Variants in MLXIPL observed in about 807,000 individuals in gnomAD.
MLXIPL encodes carbohydrate-responsive element-binding protein.
Under a neutral mutation model 81.5 loss-of-function variants are expected in MLXIPL, and 49 were observed. That is an observed-to-expected ratio of 0.60 (90% CI 0.48 to 0.76). MLXIPL has a LOEUF of 0.76. Ranked by LOEUF, MLXIPL falls within the 30% of genes least tolerant of loss-of-function variation. The pLI, the probability that MLXIPL is intolerant of heterozygous loss-of-function variation, is 0.00. For missense variants in MLXIPL, 1,053 were observed against 1,167.0 expected (o/e 0.90, Z 1.42); for synonymous variants, 466 against 485.5 (o/e 0.96, Z 0.53).
chr7:73,599,381 G>C, intron 8 of MLXIPL, 145 bp downstream of exon 8: 2 of 1,041,598 alleles, frequency 1.9e-6, no homozygotes, highest in Non-Finnish European at 2.9e-6. Flanking sequence ...CCTCCCAGAG[G>C]GCAGAGATGG....
In MLXIPL at chr7:73,605,924, A is replaced by G; in HGVS notation, c.806T>C (p.Leu269Pro). Residue 269 changes from leucine to proline, a missense_variant, in exon 6 of 17, where the codon CTG (leucine) becomes CCG (proline). Around this residue, in one of 3 missense-constraint regions of MLXIPL, gnomAD observed 823 missense variants for 933.0 expected, o/e 0.88. Transcript: ENST00000313375. Reference protein sequence around the residue: ...MTQSGPSPLQLPPEDAYVGNA... With the variant: ...MTQSGPSPLQPPPEDAYVGNA... ...CAGACCCTCACCATCCTCAGGCGGC[A>G]GCTGCAGGGGCGAAGGGCCGGACTG... 1 of 1,589,168 alleles carries G rather than the reference A, an allele frequency of 6.3e-7. No homozygotes were observed. The highest frequency in any genetic ancestry group is 1.3e-5 in the African/African-American group (1 of 74,718).
intron 1 of MLXIPL, among the ~76,000 whole-genome samples, chr7:73,618,955 C>T (rs563185969): frequency 6.6e-6 from 1 of 152,256 alleles, no homozygotes; most frequent in East Asian, 1.9e-4. Flanking sequence ...TATCCAAGCC[C>T]AGGAGGAAGA....
chr7:73,633,698 C>T, the MLXIPL span, among the ~76,000 whole-genome samples: 6 of 152,240 alleles, frequency 3.9e-5, no homozygotes, highest in South Asian at 1.2e-3. Context: ...CAGCAATCCT[C>T]CTGCCTCAGC....
At chr7:73,636,428 G>A in the MLXIPL span, among the ~76,000 whole-genome samples, 6,981 of 150,672 alleles carry the variant, frequency 0.046, 191 homozygotes, top group Non-Finnish European at 0.063. Context: ...AAAAAAAGAC[G>A]AAGTGAGAAT....
chr7:73,602,098 TCCTGCCTGCCTGCCTGCCTG>T (rs1207215774), intron 7 of MLXIPL, among the ~76,000 whole-genome samples: 1 of 104,126 alleles, frequency 9.6e-6, no homozygotes, highest in African/African-American at 3.7e-5. Context: ...CTGCCTGCCT[TCCTGCCTGCCTGCCTGCCTG>T]CCTGCCTGCC....
chr7:73,607,112 C>T, intron 4 of MLXIPL, 94 bp from the exon 5 acceptor site: 1 of 1,496,412 alleles, frequency 6.7e-7, no homozygotes, highest in Non-Finnish European at 9.1e-7. Flanking sequence ...CGATGAGATC[C>T]CCCATTTCCC....
chr7:73,614,994 T>C (rs1398129605), intron 2 of MLXIPL, among the ~76,000 whole-genome samples: 1 of 152,114 alleles, frequency 6.6e-6, no homozygotes, highest in Admixed American at 6.6e-5. Flanking sequence ...GTATTTTTAG[T>C]AGACACCGGG....
At chr7:73,616,317 G>C in intron 1 of MLXIPL, 140 bp from the exon 2 acceptor site, 3 of 738,626 alleles carry the variant, frequency 4.1e-6, no homozygotes, top group Non-Finnish European at 4.8e-6. Context: ...AACCCAACCT[G>C]CCTGAAATTC....
In MLXIPL at chr7:73,595,859, C is replaced by T; in HGVS notation, c.2169G>A (p.Glu723=). 6.2e-7 allele frequency: 1 copy of T among 1,608,542 alleles called. No individual in the cohort carries two copies. The highest frequency in any genetic ancestry group is 8.5e-7 in the Non-Finnish European group (1 of 1,177,734). Reference sequence around the variant, plus strand: ...CTGCCTACTTAATGGCGGCATTGAGCTCCTCAATCTCATCCCGCAGCTGCT... The same window carrying T: ...CTGCCTACTTAATGGCGGCATTGAGTTCCTCAATCTCATCCCGCAGCTGCT... ...EAQQLRDEIE[E]LNAAINLCQQ... Residue 723 remains glutamate, a synonymous_variant, in exon 14 of 17, where the codon GAG becomes GAA. Transcript: ENST00000313375.
chr7:73,610,903 A>G (rs1248061987), intron 2 of MLXIPL: 7 of 151,608 alleles, frequency 4.6e-5, no homozygotes, highest in African/African-American at 1.7e-4. Context: ...GGCTCACCAC[A>G]ACCTTTGCCT....
chr7:73,637,168 G>A, the MLXIPL span, among the ~76,000 whole-genome samples: 1 of 151,840 alleles, frequency 6.6e-6, no homozygotes, highest in Admixed American at 6.6e-5. Context: ...ACAAGTCTAT[G>A]TAGATTGAAA....
chr7:73,594,450 C>T (rs1178416456), intron 15 of MLXIPL, 47 bp from the exon 16 acceptor site: 3 of 1,598,664 alleles, frequency 1.9e-6, no homozygotes, highest in East Asian at 2.2e-5. Flanking sequence ...GGTCCCCCCA[C>T]ACCACGTGGA....
chr7:73,594,114 A>G, intron 16 of MLXIPL, 131 bp from the exon 17 acceptor site: 1 of 1,389,750 alleles, frequency 7.2e-7, no homozygotes, highest in African/African-American at 1.4e-5. Context: ...ACCTCTGTCT[A>G]CAGGCGTCTG....
chr7:73,624,486 C>G lies in MLXIPL; in HGVS notation c.7G>C (p.Gly3Arg). The G allele has an allele frequency of 6.6e-7, 1 of 1,526,110 alleles. No homozygotes were observed. The highest frequency in any genetic ancestry group is 8.7e-7 in the Non-Finnish European group (1 of 1,143,268). The allele number at this position is 1,526,110 out of a possible 1,614,324, so 94.5% of individuals were successfully genotyped here. A position where few individuals can be genotyped will look rare whatever the true frequency, so the allele number is the denominator to read the frequency against. The change falls in exon 1 of 17, where the codon GGC (glycine) becomes CGC (arginine). Residue 3 changes from glycine (G) to arginine (R), a missense_variant. Physicochemically the swap from Gly to Arg is moderately radical, Grantham distance 125 (BLOSUM62 -2). Coordinates refer to ENST00000313375, the MANE Select transcript of MLXIPL (RefSeq NM_032951.3). ...CCCGCGGCCAGACCTGCCAGCGCGCCGGCCATGGCTGTCGCCGCCGCAACC... is the reference window on the plus strand; with the variant it reads ...CCCGCGGCCAGACCTGCCAGCGCGCGGGCCATGGCTGTCGCCGCCGCAACC... MA[G>R]ALAGLAAGLQ...
rs1796531930 is a variant in MLXIPL, at chr7:73,623,703, G to A, written c.293+497C>T. Among the ~76,000 whole-genome samples the A allele has an allele frequency of 2.0e-5, 3 of 152,304 alleles. 1 individual carries two copies. Among genetic ancestry groups the A allele is most frequent in the Admixed American group, 2.0e-4 (3 of 15,290 alleles). ...CCAGTCCACTTTGGTTATGAACTGG[G>A]ACAATCAGGGGCGCTGGGAGTATCT... On this transcript the variant is annotated intron_variant, in intron 1 of 16. Coordinates refer to ENST00000313375, the MANE Select transcript of MLXIPL (RefSeq NM_032951.3). The surrounding 1 kb of genome is among the most constrained non-coding windows in gnomAD (Gnocchi z 5.7).
intron 2 of MLXIPL, among the ~76,000 whole-genome samples, chr7:73,612,972 A>T (rs1305356218): frequency 6.6e-6 from 1 of 152,212 alleles, no homozygotes; most frequent in Non-Finnish European, 1.5e-5. Flanking sequence ...TTCTTGCCCC[A>T]GGAGCGGTGC....
At chr7:73,594,194 G>C (rs1584061566) in intron 16 of MLXIPL, 80 bp downstream of exon 16, 17 of 1,594,434 alleles carry the variant, frequency 1.1e-5, no homozygotes, top group Non-Finnish European at 1.4e-5. Context: ...CAAGCTGGAT[G>C]TGGGATCTAA....
chr7:73,601,239 A>G (rs1017871731), intron 7 of MLXIPL, among the ~76,000 whole-genome samples: 1 of 142,018 alleles, frequency 7.0e-6, no homozygotes, highest in Admixed American at 7.1e-5. Flanking sequence ...CCCCAACCCC[A>G]TCCCCCAGAG....
chr7:73,622,289 G>A (rs1487921606), intron 1 of MLXIPL, among the ~76,000 whole-genome samples: 2 of 151,914 alleles, frequency 1.3e-5, no homozygotes, highest in Non-Finnish European at 1.5e-5. Flanking sequence ...TCAGGAGTTT[G>A]AGACCAGCCT....
Sources: gnomAD v4.1 joint callset for allele counts (sites outside exome capture counted in the v4.1 genomes callset) on GRCh38, gnomAD v4.1.1 for gene constraint, gnomAD v4.1.1 regional missense constraint, Gnocchi (gnomAD v3.1) non-coding constraint, MANE v1.5 for transcripts, NCBI Gene and HGNC (gene_info 2026-07-23, HGNC 2026-07-21) for gene names.